SLX4: variants seen among roughly 807,000 people sequenced by gnomAD.
SLX4 encodes SLX4 structure-specific endonuclease subunit, also known as structure-specific endonuclease subunit SLX4.
SLX4 carries 112 observed loss-of-function variants against 146.2 expected under a neutral mutation model. The ratio of observed to expected loss-of-function variants is 0.77; its 90% CI spans 0.66 to 0.90. The LOEUF (loss-of-function observed/expected upper bound fraction) is 0.90. Among genes scored for constraint, SLX4 ranks in the 40% least tolerant of loss-of-function variants. SLX4 has a pLI of 0.00. For synonymous variants in SLX4, 1,061 were observed against 997.7 expected (o/e 1.06, Z -1.20); for missense variants, 2,563 against 2,392.7 (o/e 1.07, Z -1.49).
chr16:3,600,548 C>T (rs914806123), intron 5 of SLX4: 2 of 207,892 alleles, frequency 9.6e-6, no homozygotes, highest in African/African-American at 2.5e-5. Flanking sequence ...GTTTCATTTC[C>T]AGAATCAAAG....
chr16:3,594,372 A>G (rs750094599), intron 10 of SLX4, 81 bp downstream of exon 10: 31 of 1,549,934 alleles, frequency 2.0e-5, no homozygotes, highest in Non-Finnish European at 2.6e-5. Flanking sequence ...CACCTGAGAC[A>G]TGGGAAGACC....
chr16:3,605,459 G>A (rs2040771786), intron 3 of SLX4, among the ~76,000 whole-genome samples: 1 of 152,094 alleles, frequency 6.6e-6, no homozygotes, highest in Non-Finnish European at 1.5e-5. Context: ...GTGACCTCAA[G>A]TAGTCCTCCT....
rs2040627772 is a variant in SLX4, at chr16:3,594,440, C to T, written c.2160+13G>A. On this transcript the variant is annotated intron_variant, in intron 10 of 14. Coordinates refer to ENST00000294008, the MANE Select transcript of SLX4 (RefSeq NM_032444.4). Reference sequence around the variant, plus strand: ...GAGAGGAAAGGAGGGCACACGGCAGCCCACGTACTTACATACTGGATGAGG... The same window carrying T: ...GAGAGGAAAGGAGGGCACACGGCAGTCCACGTACTTACATACTGGATGAGG... 2 of 1,609,698 alleles carry T rather than the reference C, an allele frequency of 1.2e-6. No homozygotes were observed. Among genetic ancestry groups the T allele is most frequent in the South Asian group, 1.1e-5 (1 of 90,514 alleles).
In SLX4 at chr16:3,595,706, T is replaced by A. The variant is rs201324113; in HGVS notation, c.1925-13A>T. 161 of 1,613,528 alleles carry A rather than the reference T, an allele frequency of 1.0e-4. 2 individuals carry two copies. In the East Asian group the frequency reaches 3.5e-3, roughly 35 times the overall value. On this transcript the variant is annotated splice_polypyrimidine_tract_variant and intron_variant, in intron 8 of 14. Transcript: ENST00000294008. ...ACCACGTCCAACCCTGAGTGGAGGA[T>A]TCACAGGTTAAAGGAACGTCACAGC... is the stretch of plus-strand genomic sequence containing the variant.
intron 4 of SLX4, 44 bp downstream of exon 4, chr16:3,602,074 C>T: frequency 6.2e-7 from 1 of 1,613,232 alleles, no homozygotes; most frequent in South Asian, 1.1e-5. Context: ...CTTGGGGATT[C>T]TGGTCACATA....
Position 3,591,190 on chromosome 16 carries a change from C to G in SLX4, c.2448G>C (p.Gln816His). 6.2e-7 allele frequency: 1 copy of G among 1,614,168 alleles called. No homozygotes were observed. The highest frequency in any genetic ancestry group is 1.3e-5 in the African/African-American group (1 of 75,052). ...ENCESRAENFQELLRSMWADE... is the reference protein window; with the variant it reads ...ENCESRAENFHELLRSMWADE... The stretch of plus-strand genomic sequence containing the variant: ...CTGCCCACATTGACCTCAAGAGTTC[C>G]TGGAAATTCTCGGCCCTGCTTTCGC... Residue 816 changes from glutamine (Q) to histidine (H), a missense_variant, in exon 12 of 15, where the codon CAG becomes CAC. Physicochemically the swap from Gln to His is conservative, Grantham distance 24. Coordinates refer to ENST00000294008, the MANE Select transcript of SLX4 (RefSeq NM_032444.4).
intron 2 of SLX4, among the ~76,000 whole-genome samples, chr16:3,607,056 T>C (rs2040794333): frequency 1.3e-5 from 2 of 152,212 alleles, no homozygotes; most frequent in Admixed American, 6.5e-5. Context: ...GGAATATCAA[T>C]TATACCCCAA....
chr16:3,583,581 G>T, intron 13 of SLX4, 71 bp from the exon 14 acceptor site: 1 of 1,550,778 alleles, frequency 6.4e-7, no homozygotes, highest in Non-Finnish European at 8.9e-7. Flanking sequence ...CCCTATCTTA[G>T]CAAAGAGTGA....
At chr16:3,608,335 T>C in intron 2 of SLX4, 95 bp downstream of exon 2, 2 of 1,285,772 alleles carry the variant, frequency 1.6e-6, no homozygotes, top group Admixed American at 3.4e-5. Context: ...TGAGTAGTTG[T>C]GACAGAGTCT....
chr16:3,583,398 G>C lies in SLX4; in HGVS notation c.4852C>G (p.Gln1618Glu), dbSNP rs775165279. Residue 1618 changes from glutamine to glutamate, a missense_variant, in exon 14 of 15, where the codon CAG becomes GAG. By Grantham distance (29) the Gln-to-Glu change is conservative. Coordinates refer to ENST00000294008, the MANE Select transcript of SLX4 (RefSeq NM_032444.4). ...CAGTGAGGCGCCTGCAACAGCGGCT[G>C]TGAGGACTGGCTCTCGTCCTCGGAG... ...SDSEDESQSS[Q>E]PLLQAPHCQT... 4.3e-6 allele frequency: 7 copies of C among 1,613,430 alleles called. No individual in the cohort carries two copies. The highest frequency in any genetic ancestry group is 1.7e-4 in the Middle Eastern group (1 of 6,058).
At chr16:3,587,737 G>T (rs976526372) in intron 12 of SLX4, among the ~76,000 whole-genome samples, 1 of 152,032 alleles carries the variant, frequency 6.6e-6, no homozygotes, top group Non-Finnish European at 1.5e-5. Flanking sequence ...GGCCACGGGC[G>T]TGCTATAAGA....
rs1287958526 is a variant in SLX4, at chr16:3,597,330, G to A, written c.1683+49C>T. 2 of 1,471,836 alleles carry A rather than the reference G, an allele frequency of 1.4e-6. No individual in the cohort carries two copies. The highest frequency in any genetic ancestry group is 2.8e-5 in the African/African-American group (2 of 70,896). The allele number at this position is 1,471,836 out of a possible 1,614,324, so 91.2% of individuals were successfully genotyped here. On this transcript the variant is annotated intron_variant, in intron 7 of 14. Transcript: ENST00000294008. The surrounding 1 kb of genome is among the most constrained non-coding windows in gnomAD (Gnocchi z 4.4). ...TACCCAGTGTTGCAGTTCTGGGATT[G>A]CCAACCTCCCCCAAAAGCCTATCCA...
In SLX4 at chr16:3,583,300, T is replaced by C. The variant is rs199604116; in HGVS notation, c.4950A>G (p.Gly1650=). The C allele has an allele frequency of 1.2e-5, 19 of 1,614,136 alleles. No homozygotes were observed. The Admixed American group carries it at 2.2e-4, about 18-fold the overall frequency. Residue 1650 remains glycine (G), a synonymous_variant, in exon 14 of 15, where the codon GGA becomes GGG. Coordinates refer to ENST00000294008, the MANE Select transcript of SLX4 (RefSeq NM_032444.4). The part of the protein sequence containing the change: ...GVHAQQEATT[G]PGAHRPKGPA... Reference sequence around the variant, plus strand: ...GTCCCTTGGGCCTATGGGCCCCAGGTCCTGTGGTGGCCTCCTGCTGGGCAT... The same window carrying C: ...GTCCCTTGGGCCTATGGGCCCCAGGCCCTGTGGTGGCCTCCTGCTGGGCAT...
At chr16:3,605,923 G>C (rs2040776399) in intron 3 of SLX4, among the ~76,000 whole-genome samples, 1 of 140,976 alleles carries the variant, frequency 7.1e-6, no homozygotes, top group African/African-American at 2.7e-5. Context: ...CTCCAGCCTG[G>C]GTGACGGAGC....
Position 3,591,205 on chromosome 16 carries a change from C to T in SLX4, c.2433G>A (p.Arg811=). ...EEKEAENCES[R]AENFQELLRS... ...TCAAGAGTTCCTGGAAATTCTCGGC[C>T]CTGCTTTCGCAATTCTCTGCTTCCT... is the stretch of plus-strand genomic sequence containing the variant. Residue 811 remains arginine, a synonymous_variant, in exon 12 of 15, where the codon AGG becomes AGA. Transcript: ENST00000294008. 1 of 1,614,100 alleles carries T rather than the reference C, an allele frequency of 6.2e-7. No individual in the cohort carries two copies. Among genetic ancestry groups the T allele is most frequent in the East Asian group, 2.2e-5 (1 of 44,892 alleles).
chr16:3,594,115 C>CCT (rs2040623132), intron 10 of SLX4, among the ~76,000 whole-genome samples: 1 of 152,156 alleles, frequency 6.6e-6, no homozygotes, highest in African/African-American at 2.4e-5. Context: ...GATCTGCCCG[C>CCT]CTCGGCCTCC....
rs576815196 is a variant in SLX4, at chr16:3,609,333, G to C, written c.-369C>G. 8.2e-6 allele frequency: 2 copies of C among 243,488 alleles called. No homozygotes were observed. Among genetic ancestry groups the C allele is most frequent in the African/African-American group, 4.5e-5 (2 of 44,476 alleles). 15.1% of individuals were successfully genotyped at this position (243,488 alleles called of 1,614,324 possible). ...AGAGGCAAGAGAATCGCTTGAACCTGGGAGGCGGAGATTGCAGTGAGCCGA... is the reference window on the plus strand; with the variant it reads ...AGAGGCAAGAGAATCGCTTGAACCTCGGAGGCGGAGATTGCAGTGAGCCGA... On this transcript the variant is annotated 5_prime_UTR_variant, in exon 2 of 15. Coordinates refer to ENST00000294008, the MANE Select transcript of SLX4 (RefSeq NM_032444.4).
intron 1 of SLX4, among the ~76,000 whole-genome samples, chr16:3,610,808 T>G (rs968554947): frequency 7.9e-5 from 12 of 152,110 alleles, no homozygotes; most frequent in African/African-American, 2.9e-4. Flanking sequence ...AATTCATGAA[T>G]TGCAAAGAGT....
intron 1 of SLX4, among the ~76,000 whole-genome samples, chr16:3,610,585 A>C (rs111319781): frequency 8.5e-5 from 13 of 152,340 alleles, no homozygotes; most frequent in African/African-American, 2.9e-4. Flanking sequence ...GCCTAAAGCC[A>C]GTTCAGGAAC....
Sources: allele counts gnomAD v4.1 joint callset (sites outside exome capture counted in the v4.1 genomes callset), GRCh38; gene constraint gnomAD v4.1.1; non-coding constraint Gnocchi (gnomAD v3.1); transcripts MANE v1.5; gene names NCBI Gene and HGNC (gene_info 2026-07-23, HGNC 2026-07-21).